The following NRG3 variants were observed in gnomAD, a reference collection of about 807,000 sequenced individuals.
The protein encoded by NRG3 is neuregulin 3.
A neutral mutation model predicts 66.9 loss-of-function variants in NRG3; 31 were observed. The ratio of observed to expected loss-of-function variants is 0.46; its 90% CI spans 0.35 to 0.63. The LOEUF is 0.63. NRG3 is among the 20% of genes least tolerant of loss of function. NRG3 has a pLI of 0.00. For synonymous variants in NRG3, 393 were observed against 359.4 expected (o/e 1.09, Z -1.06); for missense variants, 910 against 878.9 (o/e 1.04, Z -0.45).
At chr10:82,510,621 G>A (rs1383998910) in intron 2 of NRG3, among the ~76,000 whole-genome samples, 1 of 152,208 alleles carries the variant, frequency 6.6e-6, no homozygotes, top group African/African-American at 2.4e-5. Context: ...GGGGCAGAAT[G>A]GTTATACCCA....
intron 3 of NRG3, among the ~76,000 whole-genome samples, chr10:82,829,613 G>T (rs1199702897): frequency 6.6e-6 from 1 of 152,142 alleles, no homozygotes; most frequent in African/African-American, 2.4e-5. Flanking sequence ...TTGACTCATG[G>T]TCTGAGAAGA....
rs367993461 is a variant in NRG3, at chr10:82,132,505, C to CATATAT, written c.824-226229_824-226224dup. Among the ~76,000 whole-genome samples, 11 of 60,346 alleles carry CATATAT rather than the reference C, an allele frequency of 1.8e-4. 2 individuals carry two copies. The highest frequency in any genetic ancestry group is 3.5e-4 in the Non-Finnish European group (9 of 25,518). The allele number at this position is 60,346 out of a possible 152,430, so 39.6% of individuals were successfully genotyped here. On this transcript the variant is annotated intron_variant, in intron 1 of 8. Transcript: ENST00000372141. ...ATATATATATATGATATATATATAT[C>CATATAT]ATATATATATGATATATATGATATA... is the stretch of plus-strand genomic sequence containing the variant.
intron 2 of NRG3, among the ~76,000 whole-genome samples, chr10:82,564,691 C>T (rs1450668179): frequency 6.6e-6 from 1 of 152,042 alleles, no homozygotes; most frequent in Admixed American, 6.6e-5. Context: ...GCCTATTTTA[C>T]ACAATAGGAT....
chr10:82,758,398 A>T (rs537729369), intron 3 of NRG3, among the ~76,000 whole-genome samples: 1 of 152,274 alleles, frequency 6.6e-6, no homozygotes, highest in South Asian at 2.1e-4. Flanking sequence ...TATGAGTAAT[A>T]AAGTATAAGG....
At chr10:82,729,018 C>G (rs2057758332) in intron 2 of NRG3, among the ~76,000 whole-genome samples, 1 of 151,900 alleles carries the variant, frequency 6.6e-6, no homozygotes, top group Middle Eastern at 3.2e-3. Flanking sequence ...TGTAAAGGTA[C>G]ACAGAGCATG....
chr10:82,070,302 A>G (rs2064732679), intron 1 of NRG3, among the ~76,000 whole-genome samples: 2 of 152,154 alleles, frequency 1.3e-5, no homozygotes, highest in Admixed American at 1.3e-4. Flanking sequence ...GTTCATGCAA[A>G]AAAAGAATCC....
intron 2 of NRG3, among the ~76,000 whole-genome samples, chr10:82,398,322 A>T (rs2086847640): frequency 6.6e-6 from 1 of 152,200 alleles, no homozygotes; most frequent in South Asian, 2.1e-4. Flanking sequence ...ATTACAATCT[A>T]GGAAGGTTAC....
At chr10:81,952,269 T>C (rs1053534785) in intron 1 of NRG3, among the ~76,000 whole-genome samples, 13 of 152,198 alleles carry the variant, frequency 8.5e-5, no homozygotes, top group Admixed American at 2.6e-4. Context: ...CCACTTATTA[T>C]GCCTTAGTCC....
chr10:82,619,390 T>C (rs1425934908), intron 2 of NRG3, among the ~76,000 whole-genome samples: 3 of 152,180 alleles, frequency 2.0e-5, no homozygotes, highest in Non-Finnish European at 2.9e-5. Flanking sequence ...AGATTTCTTC[T>C]GATCTTTATG....
At chr10:82,312,151 T>A (rs1429148990) in intron 1 of NRG3, among the ~76,000 whole-genome samples, 1 of 152,132 alleles carries the variant, frequency 6.6e-6, no homozygotes, top group Non-Finnish European at 1.5e-5. Flanking sequence ...TAAGCAAGGG[T>A]ATTTTCTTCT....
intron 2 of NRG3, among the ~76,000 whole-genome samples, chr10:82,683,292 A>G (rs994947262): frequency 1.3e-5 from 2 of 151,022 alleles, no homozygotes; most frequent in Non-Finnish European, 3.0e-5. Context: ...CCCTCCCTTT[A>G]TCTTTCCTTT....
chr10:82,430,292 C>G (rs1046509560), intron 2 of NRG3, among the ~76,000 whole-genome samples: 2 of 151,888 alleles, frequency 1.3e-5, no homozygotes, highest in African/African-American at 4.8e-5. Flanking sequence ...GAGTCTCGCT[C>G]TGTCACCCAG....
chr10:82,728,420 C>T (rs1364274654), intron 2 of NRG3, among the ~76,000 whole-genome samples: 1 of 152,160 alleles, frequency 6.6e-6, no homozygotes, highest in Non-Finnish European at 1.5e-5. Context: ...CTCACAAGAT[C>T]CGATGGTTTA....
At chr10:82,444,811 A>G (rs1033891657) in intron 2 of NRG3, among the ~76,000 whole-genome samples, 39 of 152,194 alleles carry the variant, frequency 2.6e-4, no homozygotes, top group African/African-American at 8.7e-4. Flanking sequence ...TCCCTTCCAA[A>G]TGTTTACAAT....
At chr10:82,110,479 G>T (rs550519076) in intron 1 of NRG3, among the ~76,000 whole-genome samples, 22 of 152,272 alleles carry the variant, frequency 1.4e-4, no homozygotes, top group African/African-American at 5.1e-4. Flanking sequence ...ATAGTGTGTT[G>T]TCGACAGAGC....
At chr10:82,820,692 C>T (rs1292063460) in intron 3 of NRG3, among the ~76,000 whole-genome samples, 2 of 152,196 alleles carry the variant, frequency 1.3e-5, no homozygotes, top group Admixed American at 6.5e-5. Context: ...TCCTCTGCTG[C>T]CTATTGGCTG....
intron 2 of NRG3, among the ~76,000 whole-genome samples, chr10:82,517,629 G>GC (rs570369748): frequency 0.11 from 7,588 of 70,388 alleles, 449 homozygotes; most frequent in African/African-American, 0.35. Context: ...CTCTCACCCC[G>GC]CCCCCCCGTG....
At chr10:82,887,829 T>C (rs1842848566) in intron 4 of NRG3, among the ~76,000 whole-genome samples, 1 of 152,232 alleles carries the variant, frequency 6.6e-6, no homozygotes, top group African/African-American at 2.4e-5. Flanking sequence ...TATTATTTGT[T>C]GTTGAACATA....
At chr10:82,946,703 C>G (rs1052674846) in intron 4 of NRG3, among the ~76,000 whole-genome samples, 3 of 152,016 alleles carry the variant, frequency 2.0e-5, no homozygotes, top group South Asian at 2.1e-4. Flanking sequence ...TATTATAAGT[C>G]AAATAGGAAC....
Sources: gnomAD v4.1 joint callset for allele counts (sites outside exome capture counted in the v4.1 genomes callset) on GRCh38, gnomAD v4.1.1 for gene constraint, MANE v1.5 for transcripts, NCBI Gene and HGNC (gene_info 2026-07-23, HGNC 2026-07-21) for gene names.